CDC42EP2: variants seen among roughly 807,000 people sequenced by gnomAD.
CDC42EP2 encodes CDC42 effector protein 2.
Under a neutral mutation model 7.3 loss-of-function variants are expected in CDC42EP2, and 5 were observed. That is an observed-to-expected ratio of 0.68 (90% CI 0.36 to 1.44). CDC42EP2 has a LOEUF of 1.44. Ranked by LOEUF, CDC42EP2 falls within the 40% of genes most tolerant of loss-of-function variation. The pLI is 0.04. For missense variants in CDC42EP2, 251 were observed against 282.6 expected (o/e 0.89, Z 0.80); for synonymous variants, 113 against 123.6 (o/e 0.91, Z 0.57).
rs181977226 is a variant in CDC42EP2 at position 65,316,437 on chromosome 11, A to T, written c.-356+1483A>T. 1.6e-3 allele frequency among the ~76,000 whole-genome samples: 249 copies of T among 152,262 alleles called. 1 individual carries two copies. Among genetic ancestry groups the T allele is most frequent in the Non-Finnish European group, 2.8e-3 (193 of 68,008 alleles). On this transcript the variant is annotated intron_variant, in intron 1 of 1. Transcript: ENST00000279249. Reference sequence around the variant, plus strand: ...GGGCAGACGGGGGCAGCCAAAGGTCAGGATGTAGATGGAGGAGATCTGGGG... The same window carrying T: ...GGGCAGACGGGGGCAGCCAAAGGTCTGGATGTAGATGGAGGAGATCTGGGG...
intron 1 of CDC42EP2, among the ~76,000 whole-genome samples, chr11:65,317,645 G>A (rs754578479): frequency 2.6e-5 from 4 of 151,890 alleles, no homozygotes; most frequent in Admixed American, 6.6e-5. Context: ...TCCCATGTGC[G>A]TCCCCCACCC....
chr11:65,316,471 T>C (rs1275982014), intron 1 of CDC42EP2, among the ~76,000 whole-genome samples: 2 of 152,134 alleles, frequency 1.3e-5, no homozygotes, highest in African/African-American at 4.8e-5. Context: ...GGACCCACTG[T>C]TCCCAGCCTA....
In CDC42EP2 at chr11:65,321,390, C is replaced by G. The variant is rs199678534; in HGVS notation, c.492C>G (p.Thr164=). 2 of 1,613,740 alleles carry G rather than the reference C, an allele frequency of 1.2e-6. No individual in the cohort carries two copies. The highest frequency in any genetic ancestry group is 1.3e-5 in the African/African-American group (1 of 75,030). Residue 164 remains threonine, a synonymous_variant, in exon 2 of 2, where the codon ACC becomes ACG. Coordinates refer to ENST00000279249, the MANE Select transcript of CDC42EP2 (RefSeq NM_006779.4). This position sits in a 1 kb window ranked among gnomAD's most constrained non-coding sequence, Gnocchi z 4.4. ...PETGSPNSGL[T]PESGAEEPFL... is the part of the protein sequence containing the mutation. ...CTGGCTCCCCCAACAGTGGACTGAC[C>G]CCGGAGTCAGGGGCCGAGGAGCCCT...
chr11:65,322,010 T>A lies in CDC42EP2; in HGVS notation c.*479T>A, dbSNP rs188775759. 5.7e-6 allele frequency: 1 copy of A among 175,766 alleles called. No individual in the cohort carries two copies. Among genetic ancestry groups the A allele is most frequent in the South Asian group, 1.8e-4 (1 of 5,694 alleles). 10.9% of individuals were successfully genotyped at this position (175,766 alleles called of 1,614,324 possible). A position where few individuals can be genotyped will look rare whatever the true frequency, so the allele number is the denominator to read the frequency against. ...GGGGAGTGTCCTGTCAGGGACCAGA[T>A]GTGTCCTGCCTCATCCCTAGCTCCA... On this transcript the variant is annotated 3_prime_UTR_variant, in exon 2 of 2. Coordinates refer to ENST00000279249, the MANE Select transcript of CDC42EP2 (RefSeq NM_006779.4).
chr11:65,317,572 G>A (rs1280868082), intron 1 of CDC42EP2, among the ~76,000 whole-genome samples: 1 of 152,086 alleles, frequency 6.6e-6, no homozygotes, highest in Non-Finnish European at 1.5e-5. Flanking sequence ...CCTTGGACAA[G>A]TTTCTCTCTT....
At position 65,321,675 on chromosome 11, in the gene CDC42EP2, C is replaced by A; in HGVS notation, c.*144C>A. ...TGATTCTCCTTCTGAGCCGTGTTTC[C>A]CCTCTCCCTCCCTCTCCACGTGGGC... is the stretch of plus-strand genomic sequence containing the variant. On this transcript the variant is annotated 3_prime_UTR_variant, in exon 2 of 2. Transcript: ENST00000279249. This position sits in a 1 kb window ranked among gnomAD's most constrained non-coding sequence, Gnocchi z 4.4. The A allele has an allele frequency of 1.4e-6, 1 of 712,816 alleles. No individual in the cohort carries two copies. The allele number at this position is 712,816 out of a possible 1,614,324, so 44.2% of individuals were successfully genotyped here. A position where few individuals can be genotyped will look rare whatever the true frequency, so the allele number is the denominator to read the frequency against.
At position 65,320,864 on chromosome 11, in the gene CDC42EP2, G is replaced by A. The variant is rs772465319; in HGVS notation, c.-35G>A. 1.3e-5 allele frequency: 21 copies of A among 1,567,162 alleles called. No homozygotes were observed. Among genetic ancestry groups the A allele is most frequent in the Non-Finnish European group, 1.6e-5 (18 of 1,150,902 alleles). ...GAGGTGTGGTCTCAGCAGGCGGCCC[G>A]TAGCCTCACAGCCAGGCCTGGTGGT... On this transcript the variant is annotated 5_prime_UTR_variant, in exon 2 of 2. Coordinates refer to ENST00000279249, the MANE Select transcript of CDC42EP2 (RefSeq NM_006779.4).
In CDC42EP2 at chr11:65,320,589, C is replaced by T; in HGVS notation, c.-310C>T. 1 of 340,914 alleles carries T rather than the reference C, an allele frequency of 2.9e-6. No individual in the cohort carries two copies. The highest frequency in any genetic ancestry group is 5.5e-6 in the Non-Finnish European group (1 of 183,040). 21.1% of individuals were successfully genotyped at this position (340,914 alleles called of 1,614,324 possible). The stretch of plus-strand genomic sequence containing the variant: ...GACAAGTAACCCTCGGTGACAAGAC[C>T]AAAGTGCACTGCTGCCCACACAGTT... On this transcript the variant is annotated 5_prime_UTR_variant, in exon 2 of 2. Coordinates refer to ENST00000279249, the MANE Select transcript of CDC42EP2 (RefSeq NM_006779.4).
chr11:65,321,847 A>C lies in CDC42EP2; in HGVS notation c.*316A>C. 6 of 272,200 alleles carry C rather than the reference A, an allele frequency of 2.2e-5. No individual in the cohort carries two copies. Among genetic ancestry groups the C allele is most frequent in the South Asian group, 1.1e-4 (1 of 9,382 alleles). 16.9% of individuals were successfully genotyped at this position (272,200 alleles called of 1,614,324 possible). A position where few individuals can be genotyped will look rare whatever the true frequency, so the allele number is the denominator to read the frequency against. ...CTGGGTGAAGGCTTTGCTGAAACCG[A>C]CCCCCCTTTTCACGTCCCTTCTGCC... is the stretch of plus-strand genomic sequence containing the variant. On this transcript the variant is annotated 3_prime_UTR_variant, in exon 2 of 2. Transcript: ENST00000279249. This position sits in a 1 kb window ranked among gnomAD's most constrained non-coding sequence, Gnocchi z 4.4.
chr11:65,315,337 C>T lies in CDC42EP2; in HGVS notation c.-356+383C>T, dbSNP rs767708189. On this transcript the variant is annotated intron_variant, in intron 1 of 1. Coordinates refer to ENST00000279249, the MANE Select transcript of CDC42EP2 (RefSeq NM_006779.4). The surrounding 1 kb of genome is among the most constrained non-coding windows in gnomAD (Gnocchi z 4.1). ...AGCTGCGGCCGCGAATGTCCTGAAA[C>T]GGATCCGGGCTGGGCTGGGCTCCGC... 2.6e-4 allele frequency among the ~76,000 whole-genome samples: 40 copies of T among 152,296 alleles called. No individual in the cohort carries two copies. Among genetic ancestry groups the T allele is most frequent in the South Asian group, 6.2e-4 (3 of 4,830 alleles).
In CDC42EP2 at chr11:65,321,365, C is replaced by G; in HGVS notation, c.467C>G (p.Thr156Ser). The G allele has an allele frequency of 6.2e-7, 1 of 1,613,940 alleles. No homozygotes were observed. The highest frequency in any genetic ancestry group is 8.5e-7 in the Non-Finnish European group (1 of 1,180,036). The change falls in exon 2 of 2, where the codon ACT becomes AGT. Residue 156 changes from threonine (T) to serine (S), a missense_variant. Transcript: ENST00000279249. The surrounding 1 kb of genome is among the most constrained non-coding windows in gnomAD (Gnocchi z 4.4). ...GTGGACATCTGGAGGATTCCAGAGA[C>G]TGGCTCCCCCAACAGTGGACTGACC... The part of the protein sequence containing the change: ...GSVDIWRIPE[T>S]GSPNSGLTPE...
chr11:65,321,131 C>T lies in CDC42EP2; in HGVS notation c.233C>T (p.Thr78Ile). The change falls in exon 2 of 2, where the codon ACC becomes ATC. Residue 78 changes from threonine to isoleucine, a missense_variant. Transcript: ENST00000279249. This position sits in a 1 kb window ranked among gnomAD's most constrained non-coding sequence, Gnocchi z 4.4. The stretch of plus-strand genomic sequence containing the variant: ...GTGGAGGGGCCTGAAGAAGATGGCA[C>T]CTTCGACCTCCCCTTCCAGTTCACC... ...TMVEGPEEDG[T>I]FDLPFQFTRT... The T allele has an allele frequency of 1.2e-6, 2 of 1,614,136 alleles. No individual in the cohort carries two copies. The highest frequency in any genetic ancestry group is 1.7e-6 in the Non-Finnish European group (2 of 1,180,002).
At position 65,315,489 on chromosome 11, in the gene CDC42EP2, C is replaced by T. The variant is rs1949943165; in HGVS notation, c.-356+535C>T. Among the ~76,000 whole-genome samples the T allele has an allele frequency of 6.6e-6, 1 of 152,228 alleles. No homozygotes were observed. The highest frequency in any genetic ancestry group is 6.5e-5 in the Admixed American group (1 of 15,288). On this transcript the variant is annotated intron_variant, in intron 1 of 1. Coordinates refer to ENST00000279249, the MANE Select transcript of CDC42EP2 (RefSeq NM_006779.4). The surrounding 1 kb of genome is among the most constrained non-coding windows in gnomAD (Gnocchi z 4.1). ...GTGCCGAGCGGACACTAGGACATCGCCCAGGCCGGAAAGCACAGGGGGGAG... is the reference window on the plus strand; with the variant it reads ...GTGCCGAGCGGACACTAGGACATCGTCCAGGCCGGAAAGCACAGGGGGGAG...
rs1949941188 is a variant in CDC42EP2, at chr11:65,315,246, G to C, written c.-356+292G>C. On this transcript the variant is annotated intron_variant, in intron 1 of 1. Coordinates refer to ENST00000279249, the MANE Select transcript of CDC42EP2 (RefSeq NM_006779.4). This position sits in a 1 kb window ranked among gnomAD's most constrained non-coding sequence, Gnocchi z 4.1. ...TCCCGAGACCCAGGGGTGCCCCGCC[G>C]CCCAGCATCCCCACCGGGGCTGGGG... Among the ~76,000 whole-genome samples, 1 of 152,156 alleles carries C rather than the reference G, an allele frequency of 6.6e-6. No individual in the cohort carries two copies. The highest frequency in any genetic ancestry group is 1.5e-5 in the Non-Finnish European group (1 of 68,008).
rs773730609 is a variant in CDC42EP2, at chr11:65,321,374, C to A, written c.476C>A (p.Pro159His). 2 of 1,613,854 alleles carry A rather than the reference C, an allele frequency of 1.2e-6. No homozygotes were observed. The highest frequency in any genetic ancestry group is 2.2e-5 in the South Asian group (2 of 91,084). The change falls in exon 2 of 2, where the codon CCC becomes CAC. Residue 159 changes from proline to histidine, a missense_variant. Coordinates refer to ENST00000279249, the MANE Select transcript of CDC42EP2 (RefSeq NM_006779.4). The surrounding 1 kb of genome is among the most constrained non-coding windows in gnomAD (Gnocchi z 4.4). Reference protein sequence around the residue: ...DIWRIPETGSPNSGLTPESGA... With the variant: ...DIWRIPETGSHNSGLTPESGA... ...TGGAGGATTCCAGAGACTGGCTCCC[C>A]CAACAGTGGACTGACCCCGGAGTCA... is the stretch of plus-strand genomic sequence containing the variant.
Position 65,321,799 on chromosome 11 carries a change from A to C in CDC42EP2, c.*268A>C. ...CTTGGGGCACCTGGACCCCATCACA[A>C]TACTCCTTCTTCCTTCAGGTCCCTG... On this transcript the variant is annotated 3_prime_UTR_variant, in exon 2 of 2. Transcript: ENST00000279249. This position sits in a 1 kb window ranked among gnomAD's most constrained non-coding sequence, Gnocchi z 4.4. 4.9e-6 allele frequency: 2 copies of C among 407,610 alleles called. No individual in the cohort carries two copies. The highest frequency in any genetic ancestry group is 9.3e-6 in the Non-Finnish European group (2 of 215,632). The allele number at this position is 407,610 out of a possible 1,614,324, so 25.2% of individuals were successfully genotyped here.
intron 1 of CDC42EP2, 81 bp from the exon 2 acceptor site, chr11:65,320,463 T>G (rs1949968279): frequency 6.0e-6 from 1 of 165,814 alleles, no homozygotes. Context: ...ACAGTGAGAC[T>G]CCATCTTAAA....
rs1949970585 is a variant in CDC42EP2 at position 65,320,917 on chromosome 11, A to G, written c.19A>G (p.Ile7Val). MSTKVP[I>V]YLKRGSRKGK... ...GGTCACCATGTCCACCAAGGTGCCC[A>G]TCTATCTGAAGCGTGGCAGTCGCAA... The change falls in exon 2 of 2, where the codon ATC becomes GTC. Residue 7 changes from isoleucine (I) to valine (V), a missense_variant. Ile to Val is a conservative substitution (Grantham distance 29). Coordinates refer to ENST00000279249, the MANE Select transcript of CDC42EP2 (RefSeq NM_006779.4). The G allele has an allele frequency of 2.5e-6, 4 of 1,604,422 alleles. No individual in the cohort carries two copies. The highest frequency in any genetic ancestry group is 3.4e-6 in the Non-Finnish European group (4 of 1,172,426).
rs1276794689 is a variant in CDC42EP2, at chr11:65,315,389, G to A, written c.-356+435G>A. 6.6e-6 allele frequency among the ~76,000 whole-genome samples: 1 copy of A among 152,210 alleles called. No individual in the cohort carries two copies. Among genetic ancestry groups the A allele is most frequent in the Non-Finnish European group, 1.5e-5 (1 of 68,026 alleles). On this transcript the variant is annotated intron_variant, in intron 1 of 1. Transcript: ENST00000279249. The surrounding 1 kb of genome is among the most constrained non-coding windows in gnomAD (Gnocchi z 4.1). ...CGGGTAGGAGTGGGGAGGGGTCGGC[G>A]CAGGAACCCGAGCCGGAGCTAAGGA...
Sources: gnomAD v4.1 joint callset for allele counts (sites outside exome capture counted in the v4.1 genomes callset) on GRCh38, gnomAD v4.1.1 for gene constraint, Gnocchi (gnomAD v3.1) non-coding constraint, MANE v1.5 for transcripts, NCBI Gene and HGNC (gene_info 2026-07-23, HGNC 2026-07-21) for gene names.